The following CNTN4 variants were observed in gnomAD, a reference collection of about 807,000 sequenced individuals.
The protein encoded by CNTN4 is contactin 4.
In CNTN4, 77 loss-of-function variants were observed where a neutral mutation model predicts 122.5. The ratio of observed to expected loss-of-function variants is 0.63; its 90% CI spans 0.52 to 0.76. The LOEUF (loss-of-function observed/expected upper bound fraction) is 0.76, where lower values mean the gene tolerates loss of function less well. Among genes scored for constraint, CNTN4 ranks in the 30% least tolerant of loss-of-function variants. CNTN4 has a pLI of 0.00. For missense variants in CNTN4, 1,256 were observed against 1,259.1 expected, an observed-to-expected ratio of 1.00 and a Z score of 0.04; for synonymous variants, 512 against 447.0, an observed-to-expected ratio of 1.15 and a Z score of -1.83.
chr3:2,356,832 T>G lies in CNTN4; in HGVS notation c.-89+17599T>G, dbSNP rs149270652. 3.9e-3 allele frequency among the ~76,000 whole-genome samples: 595 copies of G among 152,298 alleles called. 1 individual carries two copies. The highest frequency in any genetic ancestry group is 6.8e-3 in the Middle Eastern group (2 of 294). On this transcript the variant is annotated intron_variant, in intron 3 of 24. Coordinates refer to ENST00000418658, the MANE Select transcript of CNTN4 (RefSeq NM_175607.3). ...GCTTTACAGCTTAAAAAAGGAGGGA[T>G]AAGGGAATAGATGCTGTCTTTGGCT...
intron 4 of CNTN4, among the ~76,000 whole-genome samples, chr3:2,694,537 C>G (rs1460124443): frequency 6.6e-6 from 1 of 152,240 alleles, no homozygotes; most frequent in East Asian, 1.9e-4. Context: ...CGAGATCAGC[C>G]TGGCAAACAT....
chr3:2,858,105 C>T (rs1273159158), intron 7 of CNTN4, among the ~76,000 whole-genome samples: 1 of 152,200 alleles, frequency 6.6e-6, no homozygotes, highest in Non-Finnish European at 1.5e-5. Flanking sequence ...CAGTGGAAAG[C>T]TGCTATTCAC....
chr3:2,823,857 G>A (rs1311385400), intron 7 of CNTN4, among the ~76,000 whole-genome samples: 3 of 152,114 alleles, frequency 2.0e-5, no homozygotes, highest in African/African-American at 7.2e-5. Context: ...CTCAAAGGGT[G>A]GTCCAAGCAC....
chr3:2,653,218 CTT>C (rs897839805), intron 4 of CNTN4, among the ~76,000 whole-genome samples: 2 of 151,938 alleles, frequency 1.3e-5, no homozygotes, highest in African/African-American at 4.8e-5. Context: ...AAAGCAAGGA[CTT>C]TTTTTATTTT....
intron 16 of CNTN4, 63 bp from the exon 17 acceptor site, chr3:3,034,569 T>C: frequency 6.6e-7 from 1 of 1,520,104 alleles, no homozygotes; most frequent in Non-Finnish European, 9.1e-7. Context: ...TTCAAGTATG[T>C]GGCTCCTTTA....
chr3:2,189,759 G>A (rs1433677621), intron 2 of CNTN4, among the ~76,000 whole-genome samples: 2 of 151,936 alleles, frequency 1.3e-5, no homozygotes, highest in Non-Finnish European at 2.9e-5. Flanking sequence ...TTTTTAAAGT[G>A]ACTAAAATAT....
At chr3:2,941,293 C>G (rs1358786389) in intron 13 of CNTN4, among the ~76,000 whole-genome samples, 2 of 152,148 alleles carry the variant, frequency 1.3e-5, no homozygotes, top group African/African-American at 2.4e-5. Context: ...TACTTTCCCT[C>G]TCTCTCCAGG....
At chr3:2,379,763 A>G (rs2045948382) in intron 3 of CNTN4, among the ~76,000 whole-genome samples, 1 of 152,166 alleles carries the variant, frequency 6.6e-6, no homozygotes, top group Non-Finnish European at 1.5e-5. Context: ...GGTTATAAGA[A>G]TATCATCATG....
At chr3:3,040,465 A>G (rs952219738) in intron 20 of CNTN4, 194 bp downstream of exon 20, 20 of 616,454 alleles carry the variant, frequency 3.2e-5, no homozygotes, top group African/African-American at 3.1e-4. Flanking sequence ...TGCTCTGTAT[A>G]TGAAAACACT....
intron 6 of CNTN4, among the ~76,000 whole-genome samples, chr3:2,770,039 T>G (rs566405376): frequency 4.7e-5 from 7 of 149,562 alleles, no homozygotes; most frequent in Admixed American, 1.3e-4. Flanking sequence ...TTGTTTGTTT[T>G]TTTTTTTTGA....
intron 2 of CNTN4, among the ~76,000 whole-genome samples, chr3:2,127,634 C>G (rs2034242027): frequency 6.8e-6 from 1 of 147,026 alleles, no homozygotes. Context: ...AAGAATGCCC[C>G]ACAACCCCAC....
intron 8 of CNTN4, among the ~76,000 whole-genome samples, chr3:2,870,370 T>C (rs2093770914): frequency 6.6e-6 from 1 of 152,244 alleles, no homozygotes; most frequent in African/African-American, 2.4e-5. Context: ...AAAATTCATG[T>C]CTTTTCCATT....
intron 3 of CNTN4, among the ~76,000 whole-genome samples, chr3:2,458,953 C>G (rs998855970): frequency 1.3e-5 from 2 of 152,142 alleles, no homozygotes; most frequent in Admixed American, 6.6e-5. Flanking sequence ...TCCTTTCCGC[C>G]TAGCATGCTT....
chr3:2,250,105 C>T (rs183119487), intron 2 of CNTN4, among the ~76,000 whole-genome samples: 5 of 151,910 alleles, frequency 3.3e-5, no homozygotes, highest in Admixed American at 2.6e-4. Context: ...CTCATTTGAT[C>T]GAATAACATT....
At chr3:2,365,111 G>C (rs2045321190) in intron 3 of CNTN4, among the ~76,000 whole-genome samples, 1 of 151,544 alleles carries the variant, frequency 6.6e-6, no homozygotes, top group Non-Finnish European at 1.5e-5. Context: ...TTTTTTTTAT[G>C]ATGACAGAAA....
intron 3 of CNTN4, among the ~76,000 whole-genome samples, chr3:2,394,752 T>C (rs959859129): frequency 4.6e-5 from 7 of 151,454 alleles, no homozygotes; most frequent in African/African-American, 1.2e-4. Flanking sequence ...TCCAAGAGAA[T>C]TGAAAACATG....
At chr3:2,781,844 C>T (rs1280330701) in intron 6 of CNTN4, among the ~76,000 whole-genome samples, 4 of 133,590 alleles carry the variant, frequency 3.0e-5, no homozygotes, top group South Asian at 2.3e-4. Flanking sequence ...CCTGCCTCAG[C>T]CTCCCGAGTA....
chr3:2,367,651 T>G (rs1408507922), intron 3 of CNTN4, among the ~76,000 whole-genome samples: 1 of 152,140 alleles, frequency 6.6e-6, no homozygotes, highest in Non-Finnish European at 1.5e-5. Context: ...ACCCGGCTAA[T>G]TTTTGTAATT....
At chr3:2,417,262 A>G (rs1049737867) in intron 3 of CNTN4, among the ~76,000 whole-genome samples, 19 of 152,250 alleles carry the variant, frequency 1.2e-4, no homozygotes, top group African/African-American at 4.3e-4. Flanking sequence ...GGACTGTATC[A>G]TCGTAGACAG....
Sources: gnomAD v4.1 joint callset for allele counts (sites outside exome capture counted in the v4.1 genomes callset) on GRCh38, gnomAD v4.1.1 for gene constraint, MANE v1.5 for transcripts, NCBI Gene and HGNC (gene_info 2026-07-23, HGNC 2026-07-21) for gene names.